DCTN4: variants seen among roughly 807,000 people sequenced by gnomAD.
DCTN4 encodes dynactin subunit 4.
Under a neutral mutation model 62.7 loss-of-function variants are expected in DCTN4, and 23 were observed. The ratio of observed to expected loss-of-function variants is 0.37; its 90% CI spans 0.26 to 0.52. The LOEUF (loss-of-function observed/expected upper bound fraction) is 0.52. Among genes scored for constraint, DCTN4 ranks in the 20% least tolerant of loss-of-function variants. The pLI is 0.92. For missense variants in DCTN4, 514 were observed against 580.4 expected (o/e 0.89, Z 1.18); for synonymous variants, 199 against 202.1 (o/e 0.98, Z 0.13).
chr5:150,750,241 G>T (rs564695669), intron 3 of DCTN4, among the ~76,000 whole-genome samples: 4 of 152,050 alleles, frequency 2.6e-5, no homozygotes, highest in Non-Finnish European at 5.9e-5. Flanking sequence ...TATTGGTAAA[G>T]CTAGCCAAAT....
chr5:150,732,650 T>C (rs1039356396), intron 5 of DCTN4, among the ~76,000 whole-genome samples: 2 of 152,202 alleles, frequency 1.3e-5, no homozygotes, highest in Admixed American at 1.3e-4. Context: ...GCACAGAGCT[T>C]GACACATCAT....
At chr5:150,745,148 C>G (rs1760914128) in intron 3 of DCTN4, among the ~76,000 whole-genome samples, 1 of 150,496 alleles carries the variant, frequency 6.6e-6, no homozygotes, top group Admixed American at 6.6e-5. Context: ...ATCCTAGTCT[C>G]TGATAAAACA....
chr5:150,755,343 T>C (rs987146748), intron 2 of DCTN4, among the ~76,000 whole-genome samples: 1 of 152,162 alleles, frequency 6.6e-6, no homozygotes, highest in Non-Finnish European at 1.5e-5. Context: ...AATTCTCTAG[T>C]CTTTATGGGC....
At chr5:150,753,807 A>G (rs1453614552) in intron 2 of DCTN4, 150 bp from the exon 3 acceptor site, 13 of 721,926 alleles carry the variant, frequency 1.8e-5, no homozygotes, top group Non-Finnish European at 2.4e-5. Flanking sequence ...CAAGAGTACT[A>G]TATGTTCATT....
chr5:150,733,793 T>C lies in DCTN4; in HGVS notation c.430-318A>G, dbSNP rs974270204. 2.4e-5 allele frequency: 5 copies of C among 212,426 alleles called. No homozygotes were observed. The Admixed American group carries it at 2.7e-4, about 11-fold the overall frequency. 13.2% of individuals were successfully genotyped at this position (212,426 alleles called of 1,614,324 possible). ...GCATGGCCACAGGACCACTTATTTC[T>C]AAGAACATAGCATTTTATACTGTAT... On this transcript the variant is annotated intron_variant, in intron 4 of 12. Coordinates refer to ENST00000447998, the MANE Select transcript of DCTN4 (RefSeq NM_016221.4).
chr5:150,711,432 A>G, intron 12 of DCTN4, 70 bp from the exon 13 acceptor site: 4 of 1,209,828 alleles, frequency 3.3e-6, no homozygotes, highest in South Asian at 2.5e-5. Flanking sequence ...ACTTACAGTA[A>G]AAGTCTTTCA....
intron 12 of DCTN4, 85 bp from the exon 13 acceptor site, chr5:150,711,447 A>G: frequency 1.9e-6 from 2 of 1,045,974 alleles, no homozygotes; most frequent in Non-Finnish European, 2.9e-6. Flanking sequence ...CTTTCACCTT[A>G]TTCTTTCCTT....
At chr5:150,758,056 T>C in intron 1 of DCTN4, 1 of 975,556 alleles carries the variant, frequency 1.0e-6, no homozygotes. Flanking sequence ...ATTACTACTA[T>C]CAGCTTTTTC....
At chr5:150,727,915 C>A (rs1760216285) in intron 8 of DCTN4, among the ~76,000 whole-genome samples, 1 of 151,362 alleles carries the variant, frequency 6.6e-6, no homozygotes, top group African/African-American at 2.4e-5. Context: ...TAAAAAATTG[C>A]CTTGTATAAT....
At position 150,711,370 on chromosome 5, in the gene DCTN4, A is replaced by G; in HGVS notation, c.1170-8T>C. 6.2e-7 allele frequency: 1 copy of G among 1,610,550 alleles called. No individual in the cohort carries two copies. The highest frequency in any genetic ancestry group is 8.5e-7 in the Non-Finnish European group (1 of 1,178,414). ...TTTCTGAAGGCTATAATGCTATGGA[A>G]AGAAAAAAAAGCAAGTATTAGGTAG... is the stretch of plus-strand genomic sequence containing the variant. On this transcript the variant is annotated splice_region_variant and splice_polypyrimidine_tract_variant and intron_variant, in intron 12 of 12. Transcript: ENST00000447998.
At chr5:150,742,585 A>C (rs1452007675) in intron 3 of DCTN4, among the ~76,000 whole-genome samples, 2 of 152,234 alleles carry the variant, frequency 1.3e-5, no homozygotes, top group Non-Finnish European at 2.9e-5. Context: ...TGCATTTTCT[A>C]AGTTCTATGA....
Position 150,710,368 on chromosome 5 carries a change from A to C in DCTN4, c.*781T>G, listed in dbSNP as rs941401457. The C allele has an allele frequency of 2.6e-5, 4 of 152,356 alleles. No individual in the cohort carries two copies. Among genetic ancestry groups the C allele is most frequent in the African/African-American group, 9.7e-5 (4 of 41,444 alleles). The allele number at this position is 152,356 out of a possible 1,614,324, so 9.4% of individuals were successfully genotyped here. Reference sequence around the variant, plus strand: ...AAGATTGCCCCCCTGTGGCAGCATTAATCCCTGGGTATTGTGGCAATATTG... The same window carrying C: ...AAGATTGCCCCCCTGTGGCAGCATTCATCCCTGGGTATTGTGGCAATATTG... On this transcript the variant is annotated 3_prime_UTR_variant, in exon 13 of 13. Coordinates refer to ENST00000447998, the MANE Select transcript of DCTN4 (RefSeq NM_016221.4).
chr5:150,757,461 A>T (rs780667353), intron 1 of DCTN4, among the ~76,000 whole-genome samples: 5 of 152,124 alleles, frequency 3.3e-5, no homozygotes, highest in Admixed American at 2.0e-4. Flanking sequence ...AATGGCCTCC[A>T]TATCACAGGT....
At chr5:150,743,689 G>A (rs10068228) in intron 3 of DCTN4, among the ~76,000 whole-genome samples, 22,787 of 152,028 alleles carry the variant, frequency 0.15, 3,056 homozygotes, top group African/African-American at 0.36. Flanking sequence ...CCAGGCAAAC[G>A]GGGACTGAAG....
At chr5:150,756,186 C>T (rs1022146734) in intron 2 of DCTN4, among the ~76,000 whole-genome samples, 7 of 151,950 alleles carry the variant, frequency 4.6e-5, no homozygotes, top group Middle Eastern at 3.4e-3. Context: ...GGACTACAGG[C>T]GCGTGCCACC....
intron 6 of DCTN4, 89 bp downstream of exon 6, chr5:150,731,325 CTG>C (rs3217226): frequency 6.4e-3 from 6,654 of 1,037,818 alleles, no homozygotes; most frequent in Non-Finnish European, 7.3e-3. Context: ...CCATTGACAA[CTG>C]TGTGTGTGTG....
intron 8 of DCTN4, among the ~76,000 whole-genome samples, chr5:150,729,816 T>C (rs547023828): frequency 6.6e-6 from 1 of 152,208 alleles, no homozygotes; most frequent in South Asian, 2.1e-4. Context: ...TCGAAAATGC[T>C]ACCAGTGTTT....
At chr5:150,741,164 CAAAAAAAA>C (rs754641920) in intron 4 of DCTN4, among the ~76,000 whole-genome samples, 14 of 58,354 alleles carry the variant, frequency 2.4e-4, no homozygotes, top group African/African-American at 6.0e-4. Flanking sequence ...GATCCTGTCT[CAAAAAAAA>C]AAAAAAAAAA....
chr5:150,726,188 T>C (rs1222859171), intron 8 of DCTN4, among the ~76,000 whole-genome samples: 1 of 152,200 alleles, frequency 6.6e-6, no homozygotes, highest in Non-Finnish European at 1.5e-5. Flanking sequence ...TTCCAGTATT[T>C]ATGTGAAAAT....
Sources: allele counts gnomAD v4.1 joint callset (sites outside exome capture counted in the v4.1 genomes callset), GRCh38; gene constraint gnomAD v4.1.1; transcripts MANE v1.5; gene names NCBI Gene and HGNC (gene_info 2026-07-23, HGNC 2026-07-21).